Variants in PHAF1 observed in about 807,000 individuals in gnomAD.
PHAF1 encodes the protein phagosome assembly factor 1.
A neutral mutation model predicts 63.1 loss-of-function variants in PHAF1; 23 were observed. The observed-to-expected ratio is 0.36, with a 90% confidence interval of 0.26 to 0.52. The LOEUF is 0.52. Ranked by LOEUF, PHAF1 falls within the 20% of genes least tolerant of loss-of-function variation. The pLI, the probability that PHAF1 is intolerant of heterozygous loss-of-function variation, is 0.93. For missense variants in PHAF1, 427 were observed against 517.2 expected, an observed-to-expected ratio of 0.83 and a Z score of 1.69; for synonymous variants, 167 against 185.0, an observed-to-expected ratio of 0.90 and a Z score of 0.79.
chr16:67,134,496 T>G, intron 8 of PHAF1, 29 bp downstream of exon 8: 2 of 1,530,814 alleles, frequency 1.3e-6, no homozygotes, highest in Non-Finnish European at 1.8e-6. Context: ...GGTTGGTACA[T>G]TCCGCATTAT....
chr16:67,146,586 A>C (rs916722537), intron 15 of PHAF1, among the ~76,000 whole-genome samples: 3 of 152,266 alleles, frequency 2.0e-5, no homozygotes, highest in Non-Finnish European at 4.4e-5. Flanking sequence ...TGTGTCCAAC[A>C]AGATGGGAGG....
chr16:67,130,752 C>T (rs1963361840), intron 3 of PHAF1, among the ~76,000 whole-genome samples: 1 of 152,170 alleles, frequency 6.6e-6, no homozygotes, highest in Non-Finnish European at 1.5e-5. Flanking sequence ...CCTTAACAAG[C>T]TTCATGTCTG....
At chr16:67,120,000 G>C (rs1962908792) in intron 1 of PHAF1, 112 bp from the exon 2 acceptor site, 6 of 788,192 alleles carry the variant, frequency 7.6e-6, no homozygotes, top group Admixed American at 2.3e-5. Context: ...GTAGACCTTA[G>C]TAGCCCCCAA....
At chr16:67,120,279 T>G in intron 2 of PHAF1, 85 bp downstream of exon 2, 1 of 1,265,862 alleles carries the variant, frequency 7.9e-7, no homozygotes, top group East Asian at 2.4e-5. Context: ...ATAGGCTGAC[T>G]GGCAAGGATA....
At chr16:67,116,364 T>C (rs1326614602) in intron 1 of PHAF1, among the ~76,000 whole-genome samples, 1 of 152,252 alleles carries the variant, frequency 6.6e-6, no homozygotes, top group Non-Finnish European at 1.5e-5. Context: ...AGATGAGCCA[T>C]GAGCTTTTTA....
chr16:67,116,441 A>G (rs1455884781), intron 1 of PHAF1, among the ~76,000 whole-genome samples: 1 of 152,204 alleles, frequency 6.6e-6, no homozygotes, highest in African/African-American at 2.4e-5. Flanking sequence ...CTGGAGGCCA[A>G]CTGATTTAAA....
At chr16:67,121,684 G>A (rs1399298640) in intron 2 of PHAF1, among the ~76,000 whole-genome samples, 1 of 142,266 alleles carries the variant, frequency 7.0e-6, no homozygotes, top group African/African-American at 2.6e-5. Flanking sequence ...GAGTTCAAGC[G>A]ATTCTCCTGC....
Position 67,133,241 on chromosome 16 carries a change from G to A in PHAF1, c.450+330G>A, listed in dbSNP as rs565829385. 2.3e-4 allele frequency among the ~76,000 whole-genome samples: 35 copies of A among 152,202 alleles called. 1 individual carries two copies. In the South Asian group the frequency reaches 5.6e-3, roughly 24 times the overall value. On this transcript the variant is annotated intron_variant, in intron 6 of 15. Coordinates refer to ENST00000219139, the MANE Select transcript of PHAF1 (RefSeq NM_025187.5). ...CTAGAATTTGGAGATTTCATCCTCT[G>A]GATTTTCAGTTACCTTTGTTTTTGC...
chr16:67,147,187 A>C lies in PHAF1; in HGVS notation c.*56A>C. The C allele has an allele frequency of 6.6e-7, 1 of 1,506,504 alleles. No homozygotes were observed. The highest frequency in any genetic ancestry group is 2.3e-5 in the East Asian group (1 of 44,244). 93.3% of individuals were successfully genotyped at this position (1,506,504 alleles called of 1,614,324 possible). On this transcript the variant is annotated 3_prime_UTR_variant, in exon 16 of 16. Coordinates refer to ENST00000219139, the MANE Select transcript of PHAF1 (RefSeq NM_025187.5). ...TGGAACTGTGCATCACATCCTGCTC[A>C]GTGGGCCTCTGTACCACCCTGTGGG...
intron 1 of PHAF1, among the ~76,000 whole-genome samples, chr16:67,117,559 G>A (rs1336490995): frequency 2.6e-5 from 4 of 151,204 alleles, no homozygotes; most frequent in Non-Finnish European, 4.4e-5. Flanking sequence ...GGTGGATCAC[G>A]AGGTCAGGAG....
intron 8 of PHAF1, among the ~76,000 whole-genome samples, chr16:67,139,171 CT>C (rs1322341738): frequency 6.6e-6 from 1 of 151,534 alleles, no homozygotes; most frequent in African/African-American, 2.4e-5. Context: ...GTTCACCCCG[CT>C]TGGCCTCCCA....
chr16:67,131,360 CA>C (rs1567646908), intron 4 of PHAF1, 31 bp downstream of exon 4: 1 of 1,492,286 alleles, frequency 6.7e-7, no homozygotes, highest in Non-Finnish European at 9.2e-7. Flanking sequence ...GTATATGTCA[CA>C]CTTGGTATAG....
At chr16:67,115,530 A>G (rs1357013658) in intron 1 of PHAF1, among the ~76,000 whole-genome samples, 1 of 152,188 alleles carries the variant, frequency 6.6e-6, no homozygotes, top group African/African-American at 2.4e-5. Context: ...TGGTGATGAC[A>G]TGGTGTTTGG....
chr16:67,139,918 G>A (rs1236541611), intron 8 of PHAF1, 66 bp from the exon 9 acceptor site: 1 of 1,594,704 alleles, frequency 6.3e-7, no homozygotes, highest in African/African-American at 1.4e-5. Context: ...AGCTTCTCTG[G>A]GGCCCCCAGA....
intron 3 of PHAF1, among the ~76,000 whole-genome samples, chr16:67,127,518 C>T (rs749111577): frequency 6.6e-5 from 10 of 152,056 alleles, no homozygotes; most frequent in Non-Finnish European, 8.8e-5. Context: ...AAATTGGAGC[C>T]GGGTGCAGTG....
chr16:67,143,797 T>G (rs116461539), intron 10 of PHAF1, among the ~76,000 whole-genome samples: 7,381 of 151,264 alleles, frequency 0.049, 519 homozygotes, highest in African/African-American at 0.16. Flanking sequence ...ACAGAAAAGA[T>G]AAGGTATGGG....
At chr16:67,122,782 A>G (rs1020929788) in intron 2 of PHAF1, among the ~76,000 whole-genome samples, 5 of 152,068 alleles carry the variant, frequency 3.3e-5, no homozygotes, top group African/African-American at 1.2e-4. Flanking sequence ...AGGCTGGGGT[A>G]CAGTGGCACG....
At chr16:67,140,620 C>A (rs1327989330) in intron 10 of PHAF1, 26 bp downstream of exon 10, 1 of 1,500,938 alleles carries the variant, frequency 6.7e-7, no homozygotes, top group Non-Finnish European at 9.3e-7. Flanking sequence ...TCAGAGAAGC[C>A]CTTCATTTCT....
chr16:67,127,195 C>T (rs1963227465), intron 3 of PHAF1, among the ~76,000 whole-genome samples: 1 of 152,166 alleles, frequency 6.6e-6, no homozygotes, highest in African/African-American at 2.4e-5. Flanking sequence ...ACCCTGTTTA[C>T]AAATGCCTGG....
Sources: allele counts gnomAD v4.1 joint callset (sites outside exome capture counted in the v4.1 genomes callset), GRCh38; gene constraint gnomAD v4.1.1; transcripts MANE v1.5; gene names NCBI Gene and HGNC (gene_info 2026-07-23, HGNC 2026-07-21).